Variants in TRPC7 observed in about 807,000 individuals in gnomAD.
TRPC7 encodes the protein short transient receptor potential channel 7.
A neutral mutation model predicts 90.1 loss-of-function variants in TRPC7; 42 were observed. The observed-to-expected ratio is 0.47, with a 90% CI of 0.36 to 0.60. The LOEUF (loss-of-function observed/expected upper bound fraction) is 0.60, where lower values mean the gene tolerates loss of function less well. TRPC7 is among the 20% of genes least tolerant of loss of function. The pLI is 0.00. For missense variants in TRPC7, 955 were observed against 1,112.3 expected (o/e 0.86, Z 2.01); for synonymous variants, 451 against 436.3 (o/e 1.03, Z -0.42).
intron 2 of TRPC7, among the ~76,000 whole-genome samples, chr5:136,329,631 T>C (rs1759440834): frequency 6.6e-6 from 1 of 152,102 alleles, no homozygotes; most frequent in South Asian, 2.1e-4. Context: ...TACAAATGTG[T>C]GGACTGTGAT....
At chr5:136,294,616 C>T (rs1758094923) in intron 3 of TRPC7, among the ~76,000 whole-genome samples, 1 of 151,914 alleles carries the variant, frequency 6.6e-6, no homozygotes, top group South Asian at 2.1e-4. Flanking sequence ...GTTAGAATGG[C>T]AATCATTAAA....
chr5:136,216,142 G>T, intron 11 of TRPC7, 58 bp downstream of exon 11: 1 of 1,429,910 alleles, frequency 7.0e-7, no homozygotes, highest in South Asian at 1.2e-5. Flanking sequence ...AGCCCAGTGA[G>T]ACCCACAGAA....
At chr5:136,245,474 C>T (rs1371937424) in intron 7 of TRPC7, among the ~76,000 whole-genome samples, 1 of 152,150 alleles carries the variant, frequency 6.6e-6, no homozygotes, top group Admixed American at 6.5e-5. Context: ...TGGGTGATTT[C>T]TCCAGAAGAG....
chr5:136,312,249 G>A (rs1460895174), intron 3 of TRPC7, among the ~76,000 whole-genome samples: 1 of 152,120 alleles, frequency 6.6e-6, no homozygotes, highest in African/African-American at 2.4e-5. Flanking sequence ...TCCTCATAAC[G>A]CCTTTGGTAT....
At position 136,246,091 on chromosome 5, in the gene TRPC7, C is replaced by T. The variant is rs114692284; in HGVS notation, c.1844+1380G>A. Among the ~76,000 whole-genome samples the T allele has an allele frequency of 9.7e-3, 1,477 of 152,284 alleles. 9 individuals carry two copies. Among genetic ancestry groups the T allele is most frequent in the South Asian group, 0.017 (80 of 4,828 alleles). On this transcript the variant is annotated intron_variant, in intron 7 of 11. Transcript: ENST00000513104. The stretch of plus-strand genomic sequence containing the variant: ...TTAGAGAGCTCCATCACCACTTCCA[C>T]GGTGGGGGATGTGCATGCCATTGTG...
intron 2 of TRPC7, among the ~76,000 whole-genome samples, chr5:136,348,115 G>A (rs921919620): frequency 6.6e-6 from 1 of 152,234 alleles, no homozygotes; most frequent in Non-Finnish European, 1.5e-5. Context: ...ATAGCAGGTA[G>A]AGTAGATCTT....
At chr5:136,314,739 A>T (rs1758955683) in intron 3 of TRPC7, among the ~76,000 whole-genome samples, 1 of 152,306 alleles carries the variant, frequency 6.6e-6, no homozygotes, top group East Asian at 1.9e-4. Flanking sequence ...TAAAAATACC[A>T]TTCAGTTTTG....
chr5:136,230,601 T>A (rs1263422363), intron 8 of TRPC7, among the ~76,000 whole-genome samples: 1 of 152,232 alleles, frequency 6.6e-6, no homozygotes, highest in Non-Finnish European at 1.5e-5. Context: ...TTCAGATGCA[T>A]CGTAGTCTAT....
chr5:136,316,631 T>C (rs1044680473), intron 2 of TRPC7, among the ~76,000 whole-genome samples: 3 of 152,174 alleles, frequency 2.0e-5, no homozygotes, highest in Non-Finnish European at 4.4e-5. Context: ...AGAGGCTAAC[T>C]TCCTTTCCTA....
intron 10 of TRPC7, among the ~76,000 whole-genome samples, chr5:136,216,521 G>T (rs1446789054): frequency 6.6e-6 from 1 of 152,178 alleles, no homozygotes; most frequent in African/African-American, 2.4e-5. Context: ...CTTCTTAATG[G>T]CAGGAAGCTG....
intron 3 of TRPC7, among the ~76,000 whole-genome samples, chr5:136,294,726 G>C (rs185496486): frequency 1.3e-5 from 2 of 152,168 alleles, no homozygotes; most frequent in African/African-American, 4.8e-5. Flanking sequence ...TGTGGAAGTC[G>C]GCATGGTGAT....
intron 8 of TRPC7, among the ~76,000 whole-genome samples, chr5:136,227,390 G>T (rs1433158153): frequency 6.6e-6 from 1 of 152,136 alleles, no homozygotes; most frequent in African/African-American, 2.4e-5. Flanking sequence ...CCCTGAGGTC[G>T]GTAGTGCATG....
At chr5:136,343,523 C>T (rs1759909847) in intron 2 of TRPC7, among the ~76,000 whole-genome samples, 1 of 152,156 alleles carries the variant, frequency 6.6e-6, no homozygotes, top group Admixed American at 6.5e-5. Flanking sequence ...AACAGACAGG[C>T]CTTGGTCTAT....
At chr5:136,215,683 C>T (rs1398605970) in intron 11 of TRPC7, among the ~76,000 whole-genome samples, 3 of 151,940 alleles carry the variant, frequency 2.0e-5, no homozygotes, top group South Asian at 2.1e-4. Flanking sequence ...ATTAGCTGGG[C>T]GTGGTGGCAC....
chr5:136,284,369 T>G (rs1279642297), intron 3 of TRPC7, among the ~76,000 whole-genome samples: 1 of 152,202 alleles, frequency 6.6e-6, no homozygotes, highest in African/African-American at 2.4e-5. Flanking sequence ...TCAATTTTGG[T>G]CATACTTTGA....
intron 3 of TRPC7, among the ~76,000 whole-genome samples, chr5:136,299,479 A>G (rs891862043): frequency 1.3e-5 from 2 of 152,002 alleles, no homozygotes; most frequent in Non-Finnish European, 2.9e-5. Context: ...CTTGGATTAC[A>G]TAAATTAAAA....
At chr5:136,226,617 G>A (rs997140392) in intron 8 of TRPC7, among the ~76,000 whole-genome samples, 3 of 152,178 alleles carry the variant, frequency 2.0e-5, no homozygotes, top group African/African-American at 7.2e-5. Flanking sequence ...TCTGCTAGCT[G>A]ATTCACCAGC....
At chr5:136,325,526 G>A (rs1052363034) in intron 2 of TRPC7, among the ~76,000 whole-genome samples, 7 of 152,158 alleles carry the variant, frequency 4.6e-5, no homozygotes, top group South Asian at 4.1e-4. Context: ...AGGTAGATAC[G>A]CTGATCATTG....
chr5:136,347,152 T>C (rs923347655), intron 2 of TRPC7, among the ~76,000 whole-genome samples: 1 of 152,220 alleles, frequency 6.6e-6, no homozygotes, highest in Non-Finnish European at 1.5e-5. Flanking sequence ...ACCCTGCTAA[T>C]ACCTTGACTT....
Sources: gnomAD v4.1 joint callset for allele counts (sites outside exome capture counted in the v4.1 genomes callset) on GRCh38, gnomAD v4.1.1 for gene constraint, MANE v1.5 for transcripts, NCBI Gene and HGNC (gene_info 2026-07-23, HGNC 2026-07-21) for gene names.